GOSR1: variants seen among roughly 807,000 people sequenced by gnomAD.
GOSR1 encodes the protein 28 kDa Golgi SNARE protein.
Under a neutral mutation model 35.5 loss-of-function variants are expected in GOSR1, and 21 were observed. The ratio of observed to expected loss-of-function variants is 0.59; its 90% CI spans 0.42 to 0.85. The LOEUF is 0.85. Among genes scored for constraint, GOSR1 ranks in the 40% least tolerant of loss-of-function variants. GOSR1 has a pLI of 0.00. For missense variants in GOSR1, 285 were observed against 309.6 expected (o/e 0.92, Z 0.60); for synonymous variants, 94 against 106.6 (o/e 0.88, Z 0.73).
chr17:30,524,169 C>T lies in GOSR1; in HGVS notation c.*1791C>T, dbSNP rs1420838050. 1.9e-5 allele frequency: 3 copies of T among 156,420 alleles called. No individual in the cohort carries two copies. Among genetic ancestry groups the T allele is most frequent in the East Asian group, 3.7e-4 (2 of 5,336 alleles). The allele number at this position is 156,420 out of a possible 1,614,324, so 9.7% of individuals were successfully genotyped here. A position where few individuals can be genotyped will look rare whatever the true frequency, so the allele number is the denominator to read the frequency against. On this transcript the variant is annotated 3_prime_UTR_variant, in exon 9 of 9. Coordinates refer to ENST00000451249, the MANE Select transcript of GOSR1 (RefSeq NM_001007025.2). ...CCTTCCCTCCACTATTGTCCTATGA[C>T]CCTGCCAAATCCCCCTCTGCGAGAA...
chr17:30,521,166 TC>T (rs1968015195), intron 8 of GOSR1, among the ~76,000 whole-genome samples: 1 of 128,870 alleles, frequency 7.8e-6, no homozygotes, highest in Non-Finnish European at 1.6e-5. Context: ...GTTCTCTCTC[TC>T]TTTTTTTTTT....
chr17:30,486,225 A>G (rs1401970702), intron 4 of GOSR1, among the ~76,000 whole-genome samples: 1 of 152,122 alleles, frequency 6.6e-6, no homozygotes, highest in African/African-American at 2.4e-5. Context: ...GTAAAAAGAA[A>G]TGAAATGTAT....
chr17:30,489,196 C>T (rs767677943), intron 4 of GOSR1, among the ~76,000 whole-genome samples: 1 of 152,018 alleles, frequency 6.6e-6, no homozygotes. Flanking sequence ...CCAGCCTGGC[C>T]AACATGGTGA....
At chr17:30,486,795 T>A (rs1481763531) in intron 4 of GOSR1, among the ~76,000 whole-genome samples, 1 of 152,162 alleles carries the variant, frequency 6.6e-6, no homozygotes, top group Non-Finnish European at 1.5e-5. Flanking sequence ...GTAGGACTTG[T>A]ATGTGCAGAA....
chr17:30,484,173 G>T, intron 2 of GOSR1, 41 bp from the exon 3 acceptor site: 2 of 986,282 alleles, frequency 2.0e-6, no homozygotes, highest in South Asian at 2.6e-5. Flanking sequence ...TTAAAGGACT[G>T]ATTTGAGTAA....
rs753646179 is a variant in GOSR1, at chr17:30,486,019, TAAAAAAA to T, written c.342+1264_342+1270del. 1.4e-4 allele frequency among the ~76,000 whole-genome samples: 11 copies of T among 76,184 alleles called. No homozygotes were observed. The East Asian group carries it at 4.0e-3, about 28-fold the overall frequency. 50.0% of individuals were successfully genotyped at this position (76,184 alleles called of 152,430 possible). On this transcript the variant is annotated intron_variant, in intron 4 of 8. Coordinates refer to ENST00000451249, the MANE Select transcript of GOSR1 (RefSeq NM_001007025.2). Reference sequence around the variant, plus strand: ...TAGGCTACAAGACTGAGACTCCATCTAAAAAAAAAAAAAAAAAAAAAGTAGGAATAGA... The same window carrying T: ...TAGGCTACAAGACTGAGACTCCATCTAAAAAAAAAAAAAAGTAGGAATAGA...
At chr17:30,487,159 A>T (rs1369927200) in intron 4 of GOSR1, among the ~76,000 whole-genome samples, 1 of 152,214 alleles carries the variant, frequency 6.6e-6, no homozygotes, top group African/African-American at 2.4e-5. Context: ...AGACCCAATT[A>T]TGTTTGGAAA....
At chr17:30,493,854 C>T (rs1966893099) in intron 6 of GOSR1, among the ~76,000 whole-genome samples, 1 of 151,932 alleles carries the variant, frequency 6.6e-6, no homozygotes, top group South Asian at 2.1e-4. Context: ...AACCATTTCC[C>T]TAATGTTGGC....
At chr17:30,488,455 C>T (rs923838150) in intron 4 of GOSR1, among the ~76,000 whole-genome samples, 6 of 151,408 alleles carry the variant, frequency 4.0e-5, no homozygotes, top group Non-Finnish European at 5.9e-5. Flanking sequence ...TGAGCCACTG[C>T]GCCCAGCCTA....
At chr17:30,512,002 A>C (rs1456905671) in intron 7 of GOSR1, among the ~76,000 whole-genome samples, 1 of 152,236 alleles carries the variant, frequency 6.6e-6, no homozygotes, top group African/African-American at 2.4e-5. Context: ...AGTAAATAGT[A>C]TTAAGGATTC....
intron 7 of GOSR1, 74 bp from the exon 8 acceptor site, chr17:30,519,865 C>T (rs71372224): frequency 0.012 from 10,770 of 881,576 alleles, 98 homozygotes; most frequent in Non-Finnish European, 0.015. Flanking sequence ...AGTTTTCTTT[C>T]ACTTTTAAAG....
chr17:30,521,172 T>C (rs1162050655), intron 8 of GOSR1, among the ~76,000 whole-genome samples: 2 of 133,500 alleles, frequency 1.5e-5, no homozygotes, highest in African/African-American at 2.9e-5. Flanking sequence ...TCTCTCTTTT[T>C]TTTTTTTTTT....
chr17:30,526,337 A>G lies in GOSR1; in HGVS notation c.*3959A>G, dbSNP rs1400475117. 1 of 152,172 alleles carries G rather than the reference A, an allele frequency of 6.6e-6. No individual in the cohort carries two copies. Among genetic ancestry groups the G allele is most frequent in the Non-Finnish European group, 1.5e-5 (1 of 68,030 alleles). 9.4% of individuals were successfully genotyped at this position (152,172 alleles called of 1,614,324 possible). A position where few individuals can be genotyped will look rare whatever the true frequency, so the allele number is the denominator to read the frequency against. On this transcript the variant is annotated 3_prime_UTR_variant, in exon 9 of 9. Coordinates refer to ENST00000451249, the MANE Select transcript of GOSR1 (RefSeq NM_001007025.2). ...CCACTCAAAACTTTTCATTTCACTGAAAAAATATGAAAAACCATGACAATA... is the reference window on the plus strand; with the variant it reads ...CCACTCAAAACTTTTCATTTCACTGGAAAAATATGAAAAACCATGACAATA...
intron 6 of GOSR1, among the ~76,000 whole-genome samples, chr17:30,498,058 C>CAAA (rs11427994): frequency 5.2e-5 from 7 of 135,402 alleles, no homozygotes; most frequent in Admixed American, 2.3e-4. Context: ...ACTCCATCTC[C>CAAA]AAAAAAAAAA....
At chr17:30,485,607 C>T (rs1295062332) in intron 4 of GOSR1, among the ~76,000 whole-genome samples, 1 of 152,134 alleles carries the variant, frequency 6.6e-6, no homozygotes, top group African/African-American at 2.4e-5. Context: ...ATGGGCAATC[C>T]ACCCCCTCAG....
At chr17:30,521,330 G>A (rs1398768767) in intron 8 of GOSR1, among the ~76,000 whole-genome samples, 3 of 151,626 alleles carry the variant, frequency 2.0e-5, no homozygotes, top group Non-Finnish European at 4.4e-5. Context: ...CTACAGACAC[G>A]TGCCACCATG....
At position 30,519,990 on chromosome 17, in the gene GOSR1, G is replaced by T; in HGVS notation, c.591G>T (p.Lys197Asn). 1 of 1,609,836 alleles carries T rather than the reference G, an allele frequency of 6.2e-7. No homozygotes were observed. Among genetic ancestry groups the T allele is most frequent in the Non-Finnish European group, 8.5e-7 (1 of 1,176,416 alleles). The change falls in exon 8 of 9, where the codon AAG (lysine) becomes AAT (asparagine). Residue 197 changes from lysine to asparagine, a missense_variant. Physicochemically the swap from Lys to Asn is moderately conservative, Grantham distance 94 (BLOSUM62 0). This residue lies in a region of GOSR1 where 168 missense variants were observed against 183.2 expected (regional missense o/e 0.92). Transcript: ENST00000451249. ...ENMTSQRGML[K>N]SIHSKMNTLA... ...TGACTTCACAGAGAGGAATGTTGAA[G>T]TCAATTCACAGCAAAATGAACACTT...
At chr17:30,489,299 C>A (rs1010943734) in intron 4 of GOSR1, among the ~76,000 whole-genome samples, 3 of 152,120 alleles carry the variant, frequency 2.0e-5, no homozygotes, top group African/African-American at 7.2e-5. Flanking sequence ...ACTAGAATCG[C>A]TTGAACCCAG....
Position 30,525,686 on chromosome 17 carries a change from G to C in GOSR1, c.*3308G>C, listed in dbSNP as rs186496433. On this transcript the variant is annotated 3_prime_UTR_variant, in exon 9 of 9. Coordinates refer to ENST00000451249, the MANE Select transcript of GOSR1 (RefSeq NM_001007025.2). ...TTTTGTGCATTCATTAAAGCTGATT[G>C]TGTGAGAGTGAACTGGGACACAAGC... The C allele has an allele frequency of 6.6e-5, 10 of 152,268 alleles. No individual in the cohort carries two copies. Among genetic ancestry groups the C allele is most frequent in the Admixed American group, 6.5e-4 (10 of 15,298 alleles). 9.4% of individuals were successfully genotyped at this position (152,268 alleles called of 1,614,324 possible).
Sources: gnomAD v4.1 joint callset for allele counts (sites outside exome capture counted in the v4.1 genomes callset) on GRCh38, gnomAD v4.1.1 for gene constraint, gnomAD v4.1.1 regional missense constraint, MANE v1.5 for transcripts, NCBI Gene and HGNC (gene_info 2026-07-23, HGNC 2026-07-21) for gene names.